ZNF827: variants seen among roughly 807,000 people sequenced by gnomAD.
The protein encoded by ZNF827 is zinc finger protein 827.
In ZNF827, 13 loss-of-function variants were observed where a neutral mutation model predicts 102.4. The observed-to-expected ratio is 0.13, with a 90% CI of 0.08 to 0.20. The LOEUF is 0.20. Ranked by LOEUF, ZNF827 falls within the 10% of genes least tolerant of loss-of-function variation. The pLI is 1.00. For missense variants in ZNF827, 1,103 were observed against 1,344.4 expected (o/e 0.82, Z 2.81); for synonymous variants, 523 against 536.2 (o/e 0.98, Z 0.34).
intron 4 of ZNF827, among the ~76,000 whole-genome samples, chr4:145,872,361 G>A (rs1748769604): frequency 6.6e-6 from 1 of 152,120 alleles, no homozygotes; most frequent in Admixed American, 6.5e-5. Flanking sequence ...CGCACACAGA[G>A]GAAAGTCTGC....
chr4:145,923,028 A>C (rs574577530), intron 1 of ZNF827, among the ~76,000 whole-genome samples: 1 of 152,342 alleles, frequency 6.6e-6, no homozygotes, highest in South Asian at 2.1e-4. Flanking sequence ...CATTTGGTAG[A>C]TCTACATAAC....
chr4:145,887,950 A>C (rs1234930442), intron 3 of ZNF827, among the ~76,000 whole-genome samples: 1 of 152,164 alleles, frequency 6.6e-6, no homozygotes, highest in African/African-American at 2.4e-5. Context: ...CCAGGAGAGG[A>C]GGGGAGCTAA....
intron 7 of ZNF827, among the ~76,000 whole-genome samples, chr4:145,837,547 A>T (rs989449355): frequency 6.6e-6 from 1 of 152,088 alleles, no homozygotes; most frequent in Non-Finnish European, 1.5e-5. Context: ...AACTACTCAT[A>T]CATGCCCTGC....
intron 1 of ZNF827, among the ~76,000 whole-genome samples, chr4:145,934,703 T>C (rs1754036606): frequency 6.6e-6 from 1 of 152,204 alleles, no homozygotes; most frequent in Non-Finnish European, 1.5e-5. Context: ...TGGGAGGACT[T>C]TGGGCTTTGT....
intron 5 of ZNF827, among the ~76,000 whole-genome samples, chr4:145,868,921 A>C (rs1167778809): frequency 6.6e-6 from 1 of 152,232 alleles, no homozygotes; most frequent in African/African-American, 2.4e-5. Context: ...AAAACAACAA[A>C]TAGATTACTC....
rs764471956 is a variant in ZNF827, at chr4:145,765,751, C to G, written c.2861-13G>C. 1.9e-6 allele frequency: 3 copies of G among 1,610,810 alleles called. No homozygotes were observed. The East Asian group carries it at 6.7e-5, about 36-fold the overall frequency. On this transcript the variant is annotated splice_polypyrimidine_tract_variant and intron_variant, in intron 11 of 14. Coordinates refer to ENST00000508784, the MANE Select transcript of ZNF827 (RefSeq NM_001306215.2). This position sits in a 1 kb window ranked among gnomAD's most constrained non-coding sequence, Gnocchi z 4.7. ...TTCCTGTCTTCCCCTGAAAAATAAG[C>G]AAATAACCCAGTCTGTTAATGAGAT...
chr4:145,902,063 C>T lies in ZNF827; in HGVS notation c.1093+103G>A, dbSNP rs1473093803. 1.4e-6 allele frequency: 2 copies of T among 1,425,350 alleles called. No homozygotes were observed. Among genetic ancestry groups the T allele is most frequent in the East Asian group, 4.7e-5 (2 of 42,496 alleles). 88.3% of individuals were successfully genotyped at this position (1,425,350 alleles called of 1,614,324 possible). Reference sequence around the variant, plus strand: ...TTGTGCTCTTGCTTTTTTATTCCTGCCTCAGATCAGATGGGGAACCCAACT... The same window carrying T: ...TTGTGCTCTTGCTTTTTTATTCCTGTCTCAGATCAGATGGGGAACCCAACT... On this transcript the variant is annotated intron_variant, in intron 2 of 14. Coordinates refer to ENST00000508784, the MANE Select transcript of ZNF827 (RefSeq NM_001306215.2). This position sits in a 1 kb window ranked among gnomAD's most constrained non-coding sequence, Gnocchi z 4.3.
chr4:145,871,782 A>G lies in ZNF827; in HGVS notation c.1748-1304T>C, dbSNP rs535933717. On this transcript the variant is annotated intron_variant, in intron 4 of 14. Transcript: ENST00000508784. ...TTTTCCATCTCATACCCCTGTAAGAATATGCATTCTGGAATCACAAGTTCA... is the reference window on the plus strand; with the variant it reads ...TTTTCCATCTCATACCCCTGTAAGAGTATGCATTCTGGAATCACAAGTTCA... Among the ~76,000 whole-genome samples, 5 of 152,340 alleles carry G rather than the reference A, an allele frequency of 3.3e-5. No individual in the cohort carries two copies. In the South Asian group the frequency reaches 1.0e-3, roughly 32 times the overall value.
intron 1 of ZNF827, among the ~76,000 whole-genome samples, chr4:145,930,827 C>G (rs902496763): frequency 4.6e-5 from 7 of 152,050 alleles, no homozygotes; most frequent in Non-Finnish European, 2.9e-5. Context: ...TGCAGCCTCT[C>G]TGTGTGTGTG....
chr4:145,937,921 T>G (rs1312150458), intron 1 of ZNF827, among the ~76,000 whole-genome samples: 2 of 114,146 alleles, frequency 1.8e-5, no homozygotes, highest in Non-Finnish European at 3.7e-5. Flanking sequence ...CCCCGCACCC[T>G]CAGGCGCCGG....
At chr4:145,936,646 C>T (rs1220373188) in intron 1 of ZNF827, among the ~76,000 whole-genome samples, 7 of 152,066 alleles carry the variant, frequency 4.6e-5, no homozygotes, top group South Asian at 2.1e-4. Context: ...CCCTCCCGGT[C>T]CCCTGGGCAG....
intron 1 of ZNF827, among the ~76,000 whole-genome samples, chr4:145,928,326 TG>T (rs1753578307): frequency 6.6e-6 from 1 of 152,172 alleles, no homozygotes; most frequent in Admixed American, 6.5e-5. Flanking sequence ...CTTAAATCTC[TG>T]GGGGTGTTTG....
At chr4:145,800,038 A>C (rs1048959588) in intron 8 of ZNF827, among the ~76,000 whole-genome samples, 1 of 152,122 alleles carries the variant, frequency 6.6e-6, no homozygotes, top group African/African-American at 2.4e-5. Context: ...ATCACAACTA[A>C]TACATACAAT....
Position 145,760,977 on chromosome 4 carries a change from G to A in ZNF827, c.*639C>T, listed in dbSNP as rs1346797981. On this transcript the variant is annotated 3_prime_UTR_variant, in exon 15 of 15. Coordinates refer to ENST00000508784, the MANE Select transcript of ZNF827 (RefSeq NM_001306215.2). The stretch of plus-strand genomic sequence containing the variant: ...ACTTGTCAAAGCGCAAAGGGGAGCC[G>A]TTGAAGGCCAAAGCCTTGAGTGCCA... 6.4e-6 allele frequency: 8 copies of A among 1,246,470 alleles called. No individual in the cohort carries two copies. Among genetic ancestry groups the A allele is most frequent in the Admixed American group, 2.7e-5 (1 of 36,610 alleles). 77.2% of individuals were successfully genotyped at this position (1,246,470 alleles called of 1,614,324 possible).
intron 7 of ZNF827, among the ~76,000 whole-genome samples, chr4:145,834,214 A>C (rs1215357467): frequency 6.6e-6 from 1 of 152,124 alleles, no homozygotes; most frequent in Non-Finnish European, 1.5e-5. Context: ...TCTTGTCGTA[A>C]AATAGGCAAA....
In ZNF827 at chr4:145,760,055, C is replaced by T. The variant is rs971916364; in HGVS notation, c.*1561G>A. 9.9e-5 allele frequency: 15 copies of T among 152,230 alleles called. No individual in the cohort carries two copies. Among genetic ancestry groups the T allele is most frequent in the African/African-American group, 1.9e-4 (8 of 41,452 alleles). 9.4% of individuals were successfully genotyped at this position (152,230 alleles called of 1,614,324 possible). A position where few individuals can be genotyped will look rare whatever the true frequency, so the allele number is the denominator to read the frequency against. On this transcript the variant is annotated 3_prime_UTR_variant, in exon 15 of 15. Coordinates refer to ENST00000508784, the MANE Select transcript of ZNF827 (RefSeq NM_001306215.2). ...CTTCCAGATCAGTCACTTGATTCCT[C>T]GCCTCTTCATCACCAGAGAAGATCT... is the stretch of plus-strand genomic sequence containing the variant.
At chr4:145,785,372 T>G (rs1322309272) in intron 8 of ZNF827, among the ~76,000 whole-genome samples, 4 of 152,204 alleles carry the variant, frequency 2.6e-5, no homozygotes. Context: ...AAAACTTTCC[T>G]TAATTAAACC....
intron 1 of ZNF827, among the ~76,000 whole-genome samples, chr4:145,920,328 G>C (rs1467942353): frequency 1.3e-5 from 2 of 152,194 alleles, no homozygotes; most frequent in African/African-American, 4.8e-5. Context: ...GACGGTCTTG[G>C]CACAGTTTGA....
At chr4:145,779,761 A>G (rs1430773373) in intron 8 of ZNF827, among the ~76,000 whole-genome samples, 1 of 152,250 alleles carries the variant, frequency 6.6e-6, no homozygotes, top group East Asian at 1.9e-4. Flanking sequence ...ACTAAAGACC[A>G]GCCAACTAAC....
Sources: gnomAD v4.1 joint callset for allele counts (sites outside exome capture counted in the v4.1 genomes callset) on GRCh38, gnomAD v4.1.1 for gene constraint, Gnocchi (gnomAD v3.1) non-coding constraint, MANE v1.5 for transcripts, NCBI Gene and HGNC (gene_info 2026-07-23, HGNC 2026-07-21) for gene names.